The following TFEC variants were observed in gnomAD, a reference collection of about 807,000 sequenced individuals.
The protein encoded by TFEC is class E basic helix-loop-helix protein 34.
In TFEC, 31 loss-of-function variants were observed where a neutral mutation model predicts 41.6. The ratio of observed to expected loss-of-function variants is 0.74; its 90% CI spans 0.56 to 1.01. The LOEUF is 1.01. TFEC is among the 50% of genes least tolerant of loss of function. The pLI, the probability that TFEC is intolerant of heterozygous loss-of-function variation, is 0.00. For missense variants in TFEC, 402 were observed against 404.1 expected, an observed-to-expected ratio of 0.99 and a Z score of 0.04; for synonymous variants, 143 against 140.6, an observed-to-expected ratio of 1.02 and a Z score of -0.12.
rs540510259 is a variant in TFEC at position 116,063,342 on chromosome 7, C to T, written c.198+47366G>A. The stretch of plus-strand genomic sequence containing the variant: ...AGCAGGAAACTCTGGGGTGGCTGGG[C>T]GCGGTGGCTCACGCCTGTAATCCCA... On this transcript the variant is annotated intron_variant, in intron 3 of 8. Coordinates refer to the TFEC transcript ENST00000484212. Among the ~76,000 whole-genome samples the T allele has an allele frequency of 6.6e-5, 10 of 152,220 alleles. No homozygotes were observed. The East Asian group carries it at 9.7e-4, about 15-fold the overall frequency.
intron 1 of TFEC, among the ~76,000 whole-genome samples, chr7:116,152,009 T>A (rs1406494726): frequency 5.3e-5 from 8 of 152,174 alleles, no homozygotes; most frequent in Admixed American, 3.9e-4. Flanking sequence ...AAAAAGGTAG[T>A]AAACCCTTTC....
At chr7:116,088,301 T>C (rs375811252) in intron 3 of TFEC, among the ~76,000 whole-genome samples, 4 of 152,258 alleles carry the variant, frequency 2.6e-5, no homozygotes, top group African/African-American at 7.2e-5. Context: ...TTACTGTAAT[T>C]CTCTTTTCAT....
intron 1 of TFEC, among the ~76,000 whole-genome samples, chr7:116,014,590 C>T (rs921729756): frequency 1.3e-5 from 2 of 151,998 alleles, no homozygotes; most frequent in Non-Finnish European, 2.9e-5. Context: ...CAGTTACTTG[C>T]AATTTCTCTG....
chr7:116,085,268 G>A (rs1431960110), intron 3 of TFEC, among the ~76,000 whole-genome samples: 1 of 151,830 alleles, frequency 6.6e-6, no homozygotes, highest in East Asian at 1.9e-4. Flanking sequence ...CTATGAAAAG[G>A]AGTTATATTT....
chr7:116,089,626 A>AT (rs1418689854), intron 3 of TFEC, among the ~76,000 whole-genome samples: 7 of 150,438 alleles, frequency 4.7e-5, no homozygotes, highest in African/African-American at 1.7e-4. Flanking sequence ...TGTATATATA[A>AT]AACCTCTCAT....
intron 6 of TFEC, among the ~76,000 whole-genome samples, chr7:115,944,917 T>C (rs1025177214): frequency 6.6e-5 from 10 of 151,306 alleles, no homozygotes; most frequent in Non-Finnish European, 1.5e-4. Flanking sequence ...TCAATGCTAT[T>C]CTTCCTTTTT....
At chr7:116,156,774 T>C (rs1177217101) in intron 1 of TFEC, among the ~76,000 whole-genome samples, 2 of 152,222 alleles carry the variant, frequency 1.3e-5, no homozygotes, top group Non-Finnish European at 2.9e-5. Flanking sequence ...TTCTTGTTTG[T>C]ACACGGTAAA....
intron 3 of TFEC, among the ~76,000 whole-genome samples, chr7:116,067,519 G>A (rs955666446): frequency 1.3e-5 from 2 of 152,004 alleles, no homozygotes; most frequent in Non-Finnish European, 2.9e-5. Flanking sequence ...CATTTAGCTT[G>A]ACTGGTTTTC....
intron 3 of TFEC, among the ~76,000 whole-genome samples, chr7:116,077,655 G>C (rs1796991180): frequency 6.6e-6 from 1 of 151,840 alleles, no homozygotes; most frequent in African/African-American, 2.4e-5. Flanking sequence ...AAACCTTAAA[G>C]CAATAGCAGT....
At chr7:116,044,275 G>T (rs1365460658) in intron 3 of TFEC, among the ~76,000 whole-genome samples, 1 of 152,070 alleles carries the variant, frequency 6.6e-6, no homozygotes, top group Non-Finnish European at 1.5e-5. Flanking sequence ...ATAGCTACCA[G>T]GCAAGCTAAT....
intron 3 of TFEC, among the ~76,000 whole-genome samples, chr7:116,093,080 A>AGT (rs1171957916): frequency 6.6e-6 from 1 of 152,172 alleles, no homozygotes; most frequent in Non-Finnish European, 1.5e-5. Context: ...ACATTTACTG[A>AGT]GTACCTATTG....
chr7:116,030,794 A>C, upstream of TFEC: 1 of 985,426 alleles, frequency 1.0e-6, no homozygotes, highest in Non-Finnish European at 1.2e-6. Context: ...CAGTTAGTTG[A>C]GGAAAGAGAA....
intron 5 of TFEC, 62 bp from the exon 6 acceptor site, chr7:115,951,011 G>A (rs1025694544): frequency 1.9e-5 from 20 of 1,030,110 alleles, no homozygotes; most frequent in Admixed American, 2.8e-5. Flanking sequence ...TTGGTCAGCT[G>A]TAAACATTTT....
chr7:116,038,917 T>C (rs1202289896), intron 3 of TFEC, among the ~76,000 whole-genome samples: 1 of 152,102 alleles, frequency 6.6e-6, no homozygotes, highest in Non-Finnish European at 1.5e-5. Context: ...CACAGGATAA[T>C]GGAGGCTCCA....
At position 115,984,408 on chromosome 7, in the gene TFEC, G is replaced by A; in HGVS notation, c.34C>T (p.Leu12Phe). ...GGCACTGCAGGTTGTGACCATTTAA[G>A]AGTTGGATTGATGATCTGATGATCA... is the stretch of plus-strand genomic sequence containing the variant. ...TLDHQIINPT[L>F]KWSQPAVPSG... Residue 12 changes from leucine (L) to phenylalanine (F), a missense_variant, in exon 2 of 8, where the codon CTT becomes TTT. By Grantham distance (22) the Leu-to-Phe change is conservative. Coordinates refer to ENST00000265440, the MANE Select transcript of TFEC (RefSeq NM_012252.4). 6.2e-7 allele frequency: 1 copy of A among 1,614,106 alleles called. No individual in the cohort carries two copies. The highest frequency in any genetic ancestry group is 8.5e-7 in the Non-Finnish European group (1 of 1,179,976).
chr7:115,936,191 T>C lies in TFEC; in HGVS notation c.*4360A>G, dbSNP rs545515042. The C allele has an allele frequency of 6.6e-6, 1 of 151,760 alleles. No homozygotes were observed. The highest frequency in any genetic ancestry group is 2.1e-4 in the South Asian group (1 of 4,830). The allele number at this position is 151,760 out of a possible 1,614,324, so 9.4% of individuals were successfully genotyped here. A position where few individuals can be genotyped will look rare whatever the true frequency, so the allele number is the denominator to read the frequency against. On this transcript the variant is annotated 3_prime_UTR_variant, in exon 8 of 8. Transcript: ENST00000265440. ...ATGATTACAGGAGGCTCATGTAACA[T>C]AGGAGATCAGTAACACTCGAAATGT...
chr7:115,999,963 A>T (rs980158633), intron 1 of TFEC, among the ~76,000 whole-genome samples: 4 of 152,002 alleles, frequency 2.6e-5, no homozygotes, highest in Non-Finnish European at 4.4e-5. Flanking sequence ...TTCTAAACCC[A>T]TTCTACAAGG....
Position 116,149,601 on chromosome 7 carries a change from A to G in TFEC, c.-69+10189T>C, listed in dbSNP as rs1798719031. Among the ~76,000 whole-genome samples, 5 of 152,292 alleles carry G rather than the reference A, an allele frequency of 3.3e-5. No homozygotes were observed. The South Asian group carries it at 1.0e-3, about 32-fold the overall frequency. On this transcript the variant is annotated intron_variant, in intron 1 of 8. Transcript: ENST00000484212. ...GAAAAGAAATTGTATTCCTCAATGT[A>G]TTTTTATTGCCTGCAGTAAGTACAC...
intron 6 of TFEC, among the ~76,000 whole-genome samples, chr7:115,949,273 C>T (rs1791793658): frequency 6.6e-6 from 1 of 151,926 alleles, no homozygotes; most frequent in Admixed American, 6.6e-5. Flanking sequence ...GGCCATACTG[C>T]CCAAGGTAAT....
Sources: gnomAD v4.1 joint callset for allele counts (sites outside exome capture counted in the v4.1 genomes callset) on GRCh38, gnomAD v4.1.1 for gene constraint, MANE v1.5 for transcripts, NCBI Gene and HGNC (gene_info 2026-07-23, HGNC 2026-07-21) for gene names.